The following SYTL3 variants were observed in gnomAD, a reference collection of about 807,000 sequenced individuals.
SYTL3 encodes synaptotagmin-like protein 3.
A neutral mutation model predicts 82.1 loss-of-function variants in SYTL3; 88 were observed. That is an observed-to-expected ratio of 1.07 (90% CI 0.90 to 1.28). The LOEUF is 1.28. Ranked by LOEUF, SYTL3 falls within the 50% of genes most tolerant of loss-of-function variation. The probability of loss-of-function intolerance (pLI) is 0.00; values close to 1 mark genes in which losing one functional copy is unlikely to be tolerated. For synonymous variants in SYTL3, 311 were observed against 289.4 expected, an observed-to-expected ratio of 1.07 and a Z score of -0.76; for missense variants, 831 against 757.6, an observed-to-expected ratio of 1.10 and a Z score of -1.14.
chr6:158,729,284 A>AG (rs754440072), intron 11 of SYTL3, among the ~76,000 whole-genome samples: 2 of 152,202 alleles, frequency 1.3e-5, no homozygotes, highest in Non-Finnish European at 2.9e-5. Context: ...AGGCATGGAC[A>AG]GGACTGGTGT....
rs1456572673 is a variant in SYTL3, at chr6:158,665,274, A to G, written c.111-121A>G. 6.0e-6 allele frequency: 5 copies of G among 832,134 alleles called. No individual in the cohort carries two copies. The East Asian group carries it at 1.3e-4, about 22-fold the overall frequency. The allele number at this position is 832,134 out of a possible 1,614,324, so 51.5% of individuals were successfully genotyped here. On this transcript the variant is annotated intron_variant, in intron 4 of 17. Transcript: ENST00000611299. ...AGTTCACACAGCCATGTTGGAGTCCAGGGATGTCGAATGCCAAAGCCCCTT... is the reference window on the plus strand; with the variant it reads ...AGTTCACACAGCCATGTTGGAGTCCGGGGATGTCGAATGCCAAAGCCCCTT...
At chr6:158,677,015 A>G (rs1778117118) in intron 5 of SYTL3, among the ~76,000 whole-genome samples, 1 of 152,226 alleles carries the variant, frequency 6.6e-6, no homozygotes, top group Non-Finnish European at 1.5e-5. Flanking sequence ...TCAAGGATCT[A>G]GAACTAGAAA....
upstream of SYTL3, among the ~76,000 whole-genome samples, chr6:158,648,740 T>G (rs1339542593): frequency 1.3e-5 from 2 of 152,132 alleles, no homozygotes; most frequent in Non-Finnish European, 2.9e-5. Flanking sequence ...TACTATGAGA[T>G]CATGCTGAGT....
At chr6:158,673,582 G>A (rs1367310476) in intron 5 of SYTL3, among the ~76,000 whole-genome samples, 2 of 151,550 alleles carry the variant, frequency 1.3e-5, no homozygotes, top group African/African-American at 4.8e-5. Flanking sequence ...TGGGACTACA[G>A]GCGCTGGCCA....
intron 14 of SYTL3, among the ~76,000 whole-genome samples, chr6:158,757,931 G>A (rs1035235993): frequency 6.6e-6 from 1 of 152,176 alleles, no homozygotes; most frequent in Non-Finnish European, 1.5e-5. Flanking sequence ...GAGATAGATA[G>A]CACGTGGGCT....
At chr6:158,723,923 A>G (rs962797865) in intron 10 of SYTL3, among the ~76,000 whole-genome samples, 3 of 152,136 alleles carry the variant, frequency 2.0e-5, no homozygotes, top group South Asian at 2.1e-4. Context: ...CCACGTGTCT[A>G]CGTGTCTGTA....
chr6:158,697,587 A>G (rs1273473720), intron 6 of SYTL3, among the ~76,000 whole-genome samples: 2 of 152,228 alleles, frequency 1.3e-5, no homozygotes, highest in Non-Finnish European at 2.9e-5. Flanking sequence ...AAAGGACACT[A>G]TTAACAAAAT....
chr6:158,741,972 A>G (rs9456349), intron 11 of SYTL3, among the ~76,000 whole-genome samples: 96,644 of 152,184 alleles, frequency 0.64, 32,941 homozygotes, highest in African/African-American at 0.87. Context: ...CATCTTCAAG[A>G]TTCTCATTGC....
chr6:158,700,730 C>T (rs1036306195), intron 6 of SYTL3, among the ~76,000 whole-genome samples: 2 of 152,196 alleles, frequency 1.3e-5, no homozygotes, highest in Admixed American at 6.5e-5. Context: ...CATTCTCCTG[C>T]CTCAGCCTCC....
chr6:158,657,252 C>A (rs762425930), intron 2 of SYTL3, among the ~76,000 whole-genome samples: 1 of 151,862 alleles, frequency 6.6e-6, no homozygotes, highest in Admixed American at 6.5e-5. Flanking sequence ...ATGGTGAAAC[C>A]CTTTCTCTAC....
At chr6:158,736,476 G>A (rs1355995484) in intron 11 of SYTL3, among the ~76,000 whole-genome samples, 1 of 150,908 alleles carries the variant, frequency 6.6e-6, no homozygotes, top group Non-Finnish European at 1.5e-5. Context: ...TAGATTGTTT[G>A]GGGGATATAT....
At chr6:158,664,815 G>C (rs749936917) in intron 4 of SYTL3, among the ~76,000 whole-genome samples, 1 of 152,106 alleles carries the variant, frequency 6.6e-6, no homozygotes, top group South Asian at 2.1e-4. Context: ...ATTCATAAAA[G>C]AGCGTGCTAG....
At chr6:158,710,286 A>T (rs942330546) in intron 8 of SYTL3, among the ~76,000 whole-genome samples, 5 of 152,224 alleles carry the variant, frequency 3.3e-5, no homozygotes, top group Non-Finnish European at 7.3e-5. Flanking sequence ...AAATATTGTC[A>T]TGAACAGCAG....
chr6:158,751,365 T>C (rs898825970), intron 12 of SYTL3, among the ~76,000 whole-genome samples: 1 of 152,094 alleles, frequency 6.6e-6, no homozygotes. Flanking sequence ...GGACATGTCT[T>C]CCTCTCCGCC....
Position 158,665,424 on chromosome 6 carries a change from G to C in SYTL3, c.140G>C (p.Arg47Pro). 3 of 1,604,380 alleles carry C rather than the reference G, an allele frequency of 1.9e-6. No individual in the cohort carries two copies. Among genetic ancestry groups the C allele is most frequent in the Non-Finnish European group, 2.6e-6 (3 of 1,175,466 alleles). ...RKLKTHLQHL[R>P]WKGAKNTDWE... ...CTGAAAACACACCTGCAGCATCTCC[G>C]GTGGAAAGGAGCGAAGAACACGGAC... The change falls in exon 5 of 18, where the codon CGG becomes CCG. Residue 47 changes from arginine (R) to proline (P), a missense_variant. Arg to Pro is a moderately radical substitution (Grantham distance 103, BLOSUM62 -2). Transcript: ENST00000611299.
In SYTL3 at chr6:158,665,489, G is replaced by A. The variant is rs137907566; in HGVS notation, c.205G>A (p.Val69Met). The change falls in exon 5 of 18, where the codon GTG becomes ATG. Residue 69 changes from valine (V) to methionine (M), a missense_variant. Val to Met is a conservative substitution (Grantham distance 21). Coordinates refer to ENST00000611299, the MANE Select transcript of SYTL3 (RefSeq NM_001242394.2). ...GAAGTGCTGTGCGCGCTGCCAGCAG[G>A]TGCTGGGGTTCCTGCTGCACCGGGG... ...KEKCCARCQQ[V>M]LGFLLHRGAV... The A allele has an allele frequency of 1.5e-3, 2,456 of 1,605,596 alleles. 3 individuals carry two copies. Among genetic ancestry groups the A allele is most frequent in the Non-Finnish European group, 1.9e-3 (2,239 of 1,176,314 alleles).
In SYTL3 at chr6:158,651,810, AGAAAGC is replaced by A. The variant is rs1479536096; in HGVS notation, c.-667_-662del. 1 of 151,994 alleles carries A rather than the reference AGAAAGC, an allele frequency of 6.6e-6. No individual in the cohort carries two copies. Among genetic ancestry groups the A allele is most frequent in the Non-Finnish European group, 1.5e-5 (1 of 67,988 alleles). The allele number at this position is 151,994 out of a possible 1,614,324, so 9.4% of individuals were successfully genotyped here. A position where few individuals can be genotyped will look rare whatever the true frequency, so the allele number is the denominator to read the frequency against. ...GCGGTGAATTGCAGTGATCTTTCAG[AGAAAGC>A]GCCTGTTCAACTTTGTCCTCTCTCA... On this transcript the variant is annotated 5_prime_UTR_variant, in exon 2 of 18. Transcript: ENST00000611299.
chr6:158,664,464 AC>A (rs1789770723), intron 4 of SYTL3, among the ~76,000 whole-genome samples: 1 of 152,106 alleles, frequency 6.6e-6, no homozygotes, highest in South Asian at 2.1e-4. Context: ...AATCCCTTGA[AC>A]CTGGGAGGTG....
chr6:158,665,061 T>G (rs184485520), intron 4 of SYTL3, among the ~76,000 whole-genome samples: 2 of 152,350 alleles, frequency 1.3e-5, no homozygotes, highest in Non-Finnish European at 2.9e-5. Flanking sequence ...TTCACTATTC[T>G]TGCTTACTAT....
Sources: gnomAD v4.1 joint callset for allele counts (sites outside exome capture counted in the v4.1 genomes callset) on GRCh38, gnomAD v4.1.1 for gene constraint, MANE v1.5 for transcripts, NCBI Gene and HGNC (gene_info 2026-07-23, HGNC 2026-07-21) for gene names.